The following DPY30 variants were observed in gnomAD, a reference collection of about 807,000 sequenced individuals.
The protein encoded by DPY30 is dpy-30 histone methyltransferase complex regulatory subunit, also known as protein dpy-30 homolog.
Under a neutral mutation model 16.2 loss-of-function variants are expected in DPY30, and 6 were observed. The ratio of observed to expected loss-of-function variants is 0.37; its 90% CI spans 0.20 to 0.73. The LOEUF (loss-of-function observed/expected upper bound fraction) is 0.73. DPY30 is among the 30% of genes least tolerant of loss of function. The pLI, the probability that DPY30 is intolerant of heterozygous loss-of-function variation, is 0.51. For synonymous variants in DPY30, 39 were observed against 38.8 expected (o/e 1.00, Z -0.02); for missense variants, 73 against 113.1 (o/e 0.65, Z 1.61).
At chr2:32,039,517 G>C in intron 1 of DPY30, 25 bp from the exon 2 acceptor site, 1 of 1,611,760 alleles carries the variant, frequency 6.2e-7, no homozygotes, top group Non-Finnish European at 8.5e-7. Flanking sequence ...AGAGCCGCGA[G>C]TTACCTGGGA....
chr2:32,025,952 C>CA (rs1357965771), intron 4 of DPY30, among the ~76,000 whole-genome samples: 33 of 151,844 alleles, frequency 2.2e-4, no homozygotes, highest in African/African-American at 7.7e-4. Context: ...ACAGAAAATA[C>CA]AAAAAATCAG....
chr2:32,035,283 A>T (rs1675692903), intron 3 of DPY30, among the ~76,000 whole-genome samples: 1 of 152,002 alleles, frequency 6.6e-6, no homozygotes, highest in Non-Finnish European at 1.5e-5. Context: ...ACTCGGTCTT[A>T]AAAACAAAAA....
At chr2:32,039,572 G>T in intron 1 of DPY30, 80 bp from the exon 2 acceptor site, 1 of 1,420,362 alleles carries the variant, frequency 7.0e-7, no homozygotes, top group South Asian at 1.2e-5. Context: ...CCCAGCCCCC[G>T]ACCCCGCCCC....
chr2:32,029,145 G>A (rs192595731), intron 4 of DPY30, among the ~76,000 whole-genome samples: 11 of 152,054 alleles, frequency 7.2e-5, no homozygotes, highest in Admixed American at 1.3e-4. Context: ...AGTGGCCCAC[G>A]CCTGTAGTCC....
intron 5 of DPY30, among the ~76,000 whole-genome samples, chr2:32,017,807 A>T (rs985147699): frequency 3.3e-5 from 5 of 152,312 alleles, no homozygotes; most frequent in Non-Finnish European, 5.9e-5. Flanking sequence ...AAGGTGTGCT[A>T]TGGTCTGAAT....
intron 5 of DPY30, among the ~76,000 whole-genome samples, chr2:32,016,467 T>C (rs1210084427): frequency 1.3e-5 from 2 of 152,218 alleles, no homozygotes; most frequent in Admixed American, 1.3e-4. Flanking sequence ...GGCTACAGTT[T>C]TGTATGCTCT....
downstream of DPY30, among the ~76,000 whole-genome samples, chr2:32,022,884 G>A (rs1490318206): frequency 2.0e-5 from 3 of 152,074 alleles, no homozygotes; most frequent in Non-Finnish European, 4.4e-5. Flanking sequence ...GACTTTAATA[G>A]GCTTCTAATG....
At chr2:32,021,276 C>T (rs1675174371), downstream of DPY30, among the ~76,000 whole-genome samples, 1 of 151,442 alleles carries the variant, frequency 6.6e-6, no homozygotes, top group African/African-American at 2.4e-5. Context: ...AATAAAAAGA[C>T]ATTTCTATTC....
At chr2:32,032,405 G>C (rs1675574490) in intron 3 of DPY30, among the ~76,000 whole-genome samples, 1 of 152,114 alleles carries the variant, frequency 6.6e-6, no homozygotes, top group African/African-American at 2.4e-5. Context: ...TCTGAAAACT[G>C]ACAGTATCAT....
downstream of DPY30, among the ~76,000 whole-genome samples, chr2:32,022,692 A>G (rs185683433): frequency 4.6e-5 from 7 of 151,692 alleles, no homozygotes; most frequent in Non-Finnish European, 8.8e-5. Flanking sequence ...TGATTTTTGT[A>G]TTTTTAGTAG....
intron 3 of DPY30, among the ~76,000 whole-genome samples, chr2:32,030,660 G>T (rs577873442): frequency 6.6e-6 from 1 of 151,528 alleles, no homozygotes; most frequent in Admixed American, 6.6e-5. Flanking sequence ...TTATCCAGGC[G>T]TGGTAGTGCG....
chr2:32,018,947 G>A (rs541245073), downstream of DPY30, among the ~76,000 whole-genome samples: 27 of 152,140 alleles, frequency 1.8e-4, no homozygotes, highest in Admixed American at 9.8e-4. Context: ...GATCACTTGA[G>A]CCTAGGAGGT....
intron 4 of DPY30, 122 bp from the exon 5 acceptor site, chr2:32,024,378 C>T (rs1467786546): frequency 5.6e-6 from 4 of 720,328 alleles, no homozygotes; most frequent in South Asian, 3.9e-5. Flanking sequence ...AGTCAAAGGA[C>T]ATTTGTAGTA....
chr2:32,034,674 C>G (rs546191207), intron 3 of DPY30, among the ~76,000 whole-genome samples: 1 of 152,122 alleles, frequency 6.6e-6, no homozygotes, highest in African/African-American at 2.4e-5. Flanking sequence ...AGGCTGGAAA[C>G]AGTTTGTGTT....
At chr2:32,035,158 C>G (rs1311692983) in intron 3 of DPY30, among the ~76,000 whole-genome samples, 2 of 151,358 alleles carry the variant, frequency 1.3e-5, no homozygotes, top group Admixed American at 6.6e-5. Flanking sequence ...GGTGGCACAC[C>G]TCTAGTCCCA....
downstream of DPY30, chr2:32,021,140 G>T (rs1420169446): frequency 6.6e-6 from 1 of 152,154 alleles, no homozygotes; most frequent in Non-Finnish European, 1.5e-5. Flanking sequence ...GTGGTGGCGT[G>T]CGCCTGTAGT....
chr2:32,030,309 C>A (rs1324375205), intron 3 of DPY30, among the ~76,000 whole-genome samples: 1 of 152,020 alleles, frequency 6.6e-6, no homozygotes, highest in Non-Finnish European at 1.5e-5. Context: ...CCAGCCTGGA[C>A]AACTGCAAAA....
At position 32,029,817 on chromosome 2, in the gene DPY30, T is replaced by C. The variant is rs934583775; in HGVS notation, c.85-81A>G. ...GTGCTAAACAAAACTAATGGAAATA[T>C]GACACTAATAGAAAAGGCAAATCAA... is the stretch of plus-strand genomic sequence containing the variant. On this transcript the variant is annotated intron_variant, in intron 3 of 4. Coordinates refer to ENST00000342166, the MANE Select transcript of DPY30 (RefSeq NM_001321209.2). The C allele has an allele frequency of 3.0e-5, 45 of 1,499,678 alleles. No homozygotes were observed. In the East Asian group the frequency reaches 8.8e-4, roughly 29 times the overall value. 92.9% of individuals were successfully genotyped at this position (1,499,678 alleles called of 1,614,324 possible).
At chr2:32,029,042 C>T (rs547082679) in intron 4 of DPY30, among the ~76,000 whole-genome samples, 6 of 152,018 alleles carry the variant, frequency 3.9e-5, no homozygotes, top group Non-Finnish European at 7.4e-5. Context: ...AAGGCTGAGG[C>T]GGGCAGATCA....
Sources: allele counts gnomAD v4.1 joint callset (sites outside exome capture counted in the v4.1 genomes callset), GRCh38; gene constraint gnomAD v4.1.1; transcripts MANE v1.5; gene names NCBI Gene and HGNC (gene_info 2026-07-23, HGNC 2026-07-21).